CNKSR3: variants seen among roughly 807,000 people sequenced by gnomAD.
CNKSR3 encodes connector enhancer of kinase suppressor of ras 3.
A neutral mutation model predicts 67.7 loss-of-function variants in CNKSR3; 36 were observed. The ratio of observed to expected loss-of-function variants is 0.53; its 90% CI spans 0.41 to 0.70. CNKSR3 has a LOEUF of 0.70. Among genes scored for constraint, CNKSR3 ranks in the 30% least tolerant of loss-of-function variants. The probability of loss-of-function intolerance (pLI) is 0.00; values close to 1 mark genes in which losing one functional copy is unlikely to be tolerated. For synonymous variants in CNKSR3, 281 were observed against 271.4 expected, an observed-to-expected ratio of 1.04 and a Z score of -0.35; for missense variants, 630 against 695.2, an observed-to-expected ratio of 0.91 and a Z score of 1.05.
At position 154,406,751 on chromosome 6, in the gene CNKSR3, C is replaced by T. The variant is rs917970088; in HGVS notation, c.1370-99G>A. On this transcript the variant is annotated intron_variant, in intron 12 of 12. Coordinates refer to ENST00000607772, the MANE Select transcript of CNKSR3 (RefSeq NM_173515.4). ...TTGGGAGGTCGAGGTGGGTGGATCA[C>T]GAGGTCAAGAGATCTAGACCATCCT... 65 of 1,044,168 alleles carry T rather than the reference C, an allele frequency of 6.2e-5. 1 individual carries two copies. Among genetic ancestry groups the T allele is most frequent in the Middle Eastern group, 2.9e-4 (1 of 3,492 alleles). The allele number at this position is 1,044,168 out of a possible 1,614,324, so 64.7% of individuals were successfully genotyped here. A position where few individuals can be genotyped will look rare whatever the true frequency, so the allele number is the denominator to read the frequency against.
intron 1 of CNKSR3, among the ~76,000 whole-genome samples, chr6:154,499,072 G>A (rs145364208): frequency 1.3e-5 from 2 of 152,280 alleles, no homozygotes; most frequent in South Asian, 4.2e-4. Context: ...GGGACAGGAC[G>A]GAAGGATGCC....
At chr6:154,439,736 T>C (rs915259625) in intron 4 of CNKSR3, among the ~76,000 whole-genome samples, 4 of 151,616 alleles carry the variant, frequency 2.6e-5, no homozygotes, top group African/African-American at 7.3e-5. Flanking sequence ...TACAAAAAAA[T>C]GAAAAATTAG....
In CNKSR3 at chr6:154,510,073, G is replaced by C. The variant is rs759412088; in HGVS notation, c.42C>G (p.Asp14Glu). 3.1e-5 allele frequency: 50 copies of C among 1,613,894 alleles called. 1 individual carries two copies. The Middle Eastern group carries it at 1.2e-3, about 37-fold the overall frequency. Residue 14 changes from aspartate (D) to glutamate (E), a missense_variant, in exon 1 of 13, where the codon GAC becomes GAG. Transcript: ENST00000607772. The stretch of plus-strand genomic sequence containing the variant: ...CCAAGGCCCGCGCACCTCTAGTCCA[G>C]TCCACCACTTGTTTGGGGCTCCACT... The part of the protein sequence containing the change: ...VTKWSPKQVV[D>E]WTRGLDDCLQ...
chr6:154,470,656 G>A (rs1461605612), intron 1 of CNKSR3, among the ~76,000 whole-genome samples: 1 of 152,138 alleles, frequency 6.6e-6, no homozygotes, highest in Admixed American at 6.6e-5. Context: ...CCATTGTATA[G>A]ATATACCACA....
At chr6:154,482,009 T>C (rs565283095) in intron 1 of CNKSR3, among the ~76,000 whole-genome samples, 1 of 152,338 alleles carries the variant, frequency 6.6e-6, no homozygotes, top group South Asian at 2.1e-4. Context: ...ATCTGCCCCG[T>C]GACCCCTTCC....
chr6:154,411,276 CT>C (rs1784906226), intron 10 of CNKSR3, 134 bp from the exon 11 acceptor site: 2 of 651,790 alleles, frequency 3.1e-6, no homozygotes, highest in Middle Eastern at 8.2e-4. Flanking sequence ...AAAAGCATTC[CT>C]TTTGTCAACC....
intron 1 of CNKSR3, among the ~76,000 whole-genome samples, chr6:154,473,207 G>A (rs79651681): frequency 0.011 from 1,695 of 152,296 alleles, 14 homozygotes; most frequent in Non-Finnish European, 0.017. Flanking sequence ...AGCTGAAGAC[G>A]TTAGACAAGT....
chr6:154,469,136 C>T (rs967691101), intron 1 of CNKSR3, among the ~76,000 whole-genome samples: 2 of 152,128 alleles, frequency 1.3e-5, no homozygotes, highest in Admixed American at 6.5e-5. Context: ...TTTATACTGG[C>T]ATCAAAGAAA....
At chr6:154,457,011 A>G (rs1255249179) in intron 1 of CNKSR3, among the ~76,000 whole-genome samples, 1 of 152,148 alleles carries the variant, frequency 6.6e-6, no homozygotes, top group Non-Finnish European at 1.5e-5. Flanking sequence ...AGAATTCCCA[A>G]TACTTTGAAA....
At chr6:154,437,410 C>CTTTTTTTTT (rs10665656) in intron 4 of CNKSR3, among the ~76,000 whole-genome samples, 78 of 102,102 alleles carry the variant, frequency 7.6e-4, no homozygotes, top group East Asian at 1.3e-3. Flanking sequence ...CACCTATGTT[C>CTTTTTTTTT]TTTTTTTTTT....
intron 1 of CNKSR3, among the ~76,000 whole-genome samples, chr6:154,494,076 C>G (rs1231102784): frequency 6.6e-6 from 1 of 152,156 alleles, no homozygotes; most frequent in Non-Finnish European, 1.5e-5. Flanking sequence ...ATATATCAGT[C>G]TGTTCTCACA....
chr6:154,426,940 C>G (rs963916393), intron 7 of CNKSR3, among the ~76,000 whole-genome samples: 10 of 152,172 alleles, frequency 6.6e-5, no homozygotes, highest in Admixed American at 2.6e-4. Flanking sequence ...GAGTCTCGAT[C>G]AAGGATGAAG....
chr6:154,416,629 T>C (rs78638968), intron 9 of CNKSR3, among the ~76,000 whole-genome samples: 5,953 of 152,176 alleles, frequency 0.039, 139 homozygotes, highest in African/African-American at 0.043. Context: ...TTTTCTATGA[T>C]AGGACAACAG....
intron 1 of CNKSR3, among the ~76,000 whole-genome samples, chr6:154,450,546 G>A (rs1292262696): frequency 6.6e-6 from 1 of 152,096 alleles, no homozygotes; most frequent in African/African-American, 2.4e-5. Context: ...GACTTAAAAT[G>A]CTAATTATCT....
intron 1 of CNKSR3, among the ~76,000 whole-genome samples, chr6:154,468,604 G>A (rs373862187): frequency 4.1e-4 from 63 of 151,998 alleles, no homozygotes; most frequent in Non-Finnish European, 7.5e-4. Context: ...TAGAATTAGG[G>A]ATCTCATCTG....
At chr6:154,472,376 G>C (rs1356952572) in intron 1 of CNKSR3, among the ~76,000 whole-genome samples, 1 of 152,118 alleles carries the variant, frequency 6.6e-6, no homozygotes, top group Non-Finnish European at 1.5e-5. Flanking sequence ...AAAAGAAAAG[G>C]AGTGATGATT....
At chr6:154,455,158 A>C (rs578201887) in intron 1 of CNKSR3, among the ~76,000 whole-genome samples, 5 of 151,562 alleles carry the variant, frequency 3.3e-5, no homozygotes, top group African/African-American at 1.2e-4. Context: ...AAAAATACAA[A>C]AAAAAAAAAA....
chr6:154,492,678 G>A (rs929185154), intron 1 of CNKSR3, among the ~76,000 whole-genome samples: 4 of 151,066 alleles, frequency 2.6e-5, no homozygotes, highest in Admixed American at 6.7e-5. Context: ...CCCAGGAGAC[G>A]GAGACTGCAG....
chr6:154,414,173 T>C (rs1328659362), intron 10 of CNKSR3, 126 bp downstream of exon 10: 15 of 991,920 alleles, frequency 1.5e-5, no homozygotes, highest in Non-Finnish European at 2.2e-5. Context: ...TTAACGGCAG[T>C]TCAAGATTCA....
Sources: gnomAD v4.1 joint callset for allele counts (sites outside exome capture counted in the v4.1 genomes callset) on GRCh38, gnomAD v4.1.1 for gene constraint, MANE v1.5 for transcripts, NCBI Gene and HGNC (gene_info 2026-07-23, HGNC 2026-07-21) for gene names.